The following LTBP1 variants were observed in gnomAD, a reference collection of about 807,000 sequenced individuals.
The protein encoded by LTBP1 is latent transforming growth factor beta binding protein 1.
In LTBP1, 129 loss-of-function variants were observed where a neutral mutation model predicts 207.6. The observed-to-expected ratio is 0.62, with a 90% confidence interval of 0.54 to 0.72. The LOEUF is 0.72. LTBP1 is among the 30% of genes least tolerant of loss of function. LTBP1 has a pLI of 0.00. For missense variants in LTBP1, 2,281 were observed against 2,217.2 expected, an observed-to-expected ratio of 1.03 and a Z score of -0.58; for synonymous variants, 963 against 833.7, an observed-to-expected ratio of 1.16 and a Z score of -2.67.
Position 33,252,831 on chromosome 2 carries a change from C to T in LTBP1, c.2154C>T (p.Pro718=), listed in dbSNP as rs1558889081. ...GGGGCCCACACTGTGAGAAATGTCCCCTTCCAGGCACAGGTAAGACATGCC... is the reference window on the plus strand; with the variant it reads ...GGGGCCCACACTGTGAGAAATGTCCTCTTCCAGGCACAGGTAAGACATGCC... ...KAWGPHCEKC[P]LPGTAAFKEI... The change falls in exon 11 of 34, where the codon CCC becomes CCT. Residue 718 remains proline, a synonymous_variant. Coordinates refer to ENST00000404816, the MANE Select transcript of LTBP1 (RefSeq NM_206943.4). 1 of 1,606,462 alleles carries T rather than the reference C, an allele frequency of 6.2e-7. No individual in the cohort carries two copies. Among genetic ancestry groups the T allele is most frequent in the Non-Finnish European group, 8.5e-7 (1 of 1,175,026 alleles).
chr2:33,015,669 A>C (rs570074015), intron 2 of LTBP1, among the ~76,000 whole-genome samples: 1 of 152,230 alleles, frequency 6.6e-6, no homozygotes. Context: ...TCACACTGCT[A>C]TAAAGAAATG....
At chr2:33,248,879 G>A (rs891351138) in intron 10 of LTBP1, among the ~76,000 whole-genome samples, 4 of 152,068 alleles carry the variant, frequency 2.6e-5, no homozygotes, top group Admixed American at 2.0e-4. Context: ...GAGCCACCGC[G>A]CCCAGCCATG....
chr2:33,245,831 G>C (rs1185915473), intron 10 of LTBP1, among the ~76,000 whole-genome samples: 3 of 152,138 alleles, frequency 2.0e-5, no homozygotes, highest in Non-Finnish European at 4.4e-5. Context: ...TTGACTTGTA[G>C]TCTGGTTACA....
At chr2:33,382,074 CTTTTTTTTTTTTTTTTTT>C (rs70938398) in intron 31 of LTBP1, among the ~76,000 whole-genome samples, 38 of 46,784 alleles carry the variant, frequency 8.1e-4, no homozygotes, top group South Asian at 1.1e-3. Context: ...CCTACTGCTT[CTTTTTTTTTTTTTTTTTT>C]TTTTTTTTTT....
At chr2:33,123,390 C>G (rs2081259880) in intron 4 of LTBP1, among the ~76,000 whole-genome samples, 1 of 145,558 alleles carries the variant, frequency 6.9e-6, no homozygotes, top group African/African-American at 2.5e-5. Context: ...GTTCATTCAT[C>G]TTTTTTTTTT....
At chr2:33,283,529 C>T (rs953076774) in intron 19 of LTBP1, among the ~76,000 whole-genome samples, 5 of 148,822 alleles carry the variant, frequency 3.4e-5, no homozygotes, top group South Asian at 2.1e-4. Flanking sequence ...CTCCACCTCC[C>T]GGATTCACGC....
At chr2:33,076,644 C>G (rs1456382268) in intron 3 of LTBP1, among the ~76,000 whole-genome samples, 1 of 151,842 alleles carries the variant, frequency 6.6e-6, no homozygotes, top group East Asian at 1.9e-4. Context: ...TCAAGTGATT[C>G]TACTACCTCA....
At chr2:33,141,778 A>G (rs927642707) in intron 5 of LTBP1, among the ~76,000 whole-genome samples, 1 of 152,026 alleles carries the variant, frequency 6.6e-6, no homozygotes, top group Non-Finnish European at 1.5e-5. Context: ...ACCGTGGAGC[A>G]CCCCCCAAAA....
chr2:33,073,732 T>C (rs1379219228), intron 3 of LTBP1, among the ~76,000 whole-genome samples: 1 of 152,070 alleles, frequency 6.6e-6, no homozygotes, highest in African/African-American at 2.4e-5. Context: ...GTTCAAGCAA[T>C]TCTTGTGCCT....
intron 20 of LTBP1, among the ~76,000 whole-genome samples, chr2:33,295,638 T>C (rs111591381): frequency 0.015 from 2,313 of 152,294 alleles, 64 homozygotes; most frequent in African/African-American, 0.053. Context: ...TTTTCCTTTT[T>C]ATGATTTTTT....
At chr2:33,285,337 C>T (rs979883364) in intron 19 of LTBP1, among the ~76,000 whole-genome samples, 10 of 151,236 alleles carry the variant, frequency 6.6e-5, no homozygotes, top group African/African-American at 1.9e-4. Context: ...CCACCGTGCC[C>T]GGGTCACATT....
intron 5 of LTBP1, among the ~76,000 whole-genome samples, chr2:33,135,968 G>T (rs923675094): frequency 1.3e-5 from 2 of 151,656 alleles, no homozygotes; most frequent in South Asian, 2.1e-4. Context: ...GTGTGTGTCT[G>T]GGGGGGTGGT....
At chr2:32,963,810 C>G (rs897436789) in intron 2 of LTBP1, among the ~76,000 whole-genome samples, 1 of 152,140 alleles carries the variant, frequency 6.6e-6, no homozygotes, top group Non-Finnish European at 1.5e-5. Context: ...TAGTAGACCC[C>G]TTGGCCCTCA....
At chr2:33,124,792 TA>T (rs2081340263) in intron 4 of LTBP1, among the ~76,000 whole-genome samples, 1 of 152,228 alleles carries the variant, frequency 6.6e-6, no homozygotes. Context: ...ATTATATCCA[TA>T]CAAATTATTT....
At chr2:33,185,476 G>T (rs1263355409) in intron 5 of LTBP1, among the ~76,000 whole-genome samples, 1 of 152,180 alleles carries the variant, frequency 6.6e-6, no homozygotes, top group Non-Finnish European at 1.5e-5. Context: ...ATAAAAATTT[G>T]GGTGACATCA....
In LTBP1 at chr2:33,342,827, CTT is replaced by C; in HGVS notation, c.3731-6_3731-5del. The C allele has an allele frequency of 6.2e-7, 1 of 1,612,324 alleles. No homozygotes were observed. Among genetic ancestry groups the C allele is most frequent in the Non-Finnish European group, 8.5e-7 (1 of 1,178,800 alleles). ...TTGTTTTGTGTCTGATGTTCCATGTCTTTTTTGCAGATATTGATGAATGTGTA... is the reference window on the plus strand; with the variant it reads ...TTGTTTTGTGTCTGATGTTCCATGTCTTTTGCAGATATTGATGAATGTGTA... On this transcript the variant is annotated splice_polypyrimidine_tract_variant and intron_variant, in intron 24 of 33. Transcript: ENST00000404816.
chr2:33,102,101 C>T (rs1386048839), intron 3 of LTBP1, among the ~76,000 whole-genome samples: 1 of 152,024 alleles, frequency 6.6e-6, no homozygotes, highest in African/African-American at 2.4e-5. Context: ...TTTTGATCTC[C>T]TCCTTCTCCA....
At chr2:33,169,308 A>G (rs1325479081) in intron 5 of LTBP1, among the ~76,000 whole-genome samples, 1 of 152,120 alleles carries the variant, frequency 6.6e-6, no homozygotes, top group South Asian at 2.1e-4. Context: ...CTGCCACATT[A>G]TATTTTTCTT....
At chr2:33,073,337 T>C (rs1005393623) in intron 3 of LTBP1, among the ~76,000 whole-genome samples, 8 of 151,942 alleles carry the variant, frequency 5.3e-5, no homozygotes, top group Non-Finnish European at 1.2e-4. Context: ...TTTCTTTGAC[T>C]ATAAAGGACT....
Sources: gnomAD v4.1 joint callset for allele counts (sites outside exome capture counted in the v4.1 genomes callset) on GRCh38, gnomAD v4.1.1 for gene constraint, MANE v1.5 for transcripts, NCBI Gene and HGNC (gene_info 2026-07-23, HGNC 2026-07-21) for gene names.